IL1RAPL2: variants seen among roughly 807,000 people sequenced by gnomAD.
IL1RAPL2 encodes the protein X-linked interleukin-1 receptor accessory protein-like 2.
A neutral mutation model predicts 44.1 loss-of-function variants in IL1RAPL2; 3 were observed. That is an observed-to-expected ratio of 0.07 (90% CI 0.03 to 0.18). IL1RAPL2 has a LOEUF of 0.18. Ranked by LOEUF, IL1RAPL2 falls within the 10% of genes least tolerant of loss-of-function variation. The pLI is 1.00. For missense variants in IL1RAPL2, 391 were observed against 496.4 expected, an observed-to-expected ratio of 0.79 and a Z score of 2.02; for synonymous variants, 181 against 178.8, an observed-to-expected ratio of 1.01 and a Z score of -0.10.
chrX:104,735,570 T>G (rs1931997708), intron 2 of IL1RAPL2, among the ~76,000 whole-genome samples: 1 of 111,431 alleles, frequency 9.0e-6, no homozygotes, highest in Non-Finnish European at 1.9e-5. Context: ...GTCTACTTCT[T>G]TAATGGGGAA....
intron 6 of IL1RAPL2, among the ~76,000 whole-genome samples, chrX:105,564,767 C>T (rs1045212517): frequency 8.9e-6 from 1 of 111,963 alleles, no homozygotes; most frequent in Non-Finnish European, 1.9e-5. Flanking sequence ...GAGGTTGACT[C>T]ACCCATTCAT....
At chrX:105,275,823 C>A (rs2034481528) in intron 5 of IL1RAPL2, among the ~76,000 whole-genome samples, 1 of 110,861 alleles carries the variant, frequency 9.0e-6, no homozygotes, top group African/African-American at 3.3e-5. Flanking sequence ...GGACTAGAAT[C>A]CCCATCTTAT....
intron 7 of IL1RAPL2, among the ~76,000 whole-genome samples, chrX:105,728,798 A>G (rs971979442): frequency 2.7e-5 from 3 of 111,562 alleles, no homozygotes; most frequent in African/African-American, 9.7e-5. Flanking sequence ...AATGTAAAAT[A>G]TCATGGATCC....
At chrX:104,590,860 A>G (rs1928651496) in intron 1 of IL1RAPL2, among the ~76,000 whole-genome samples, 1 of 112,114 alleles carries the variant, frequency 8.9e-6, no homozygotes, top group Non-Finnish European at 1.9e-5. Context: ...AATCTATGAG[A>G]TGATTCGATT....
chrX:104,761,902 TCTCCTTCTCCTTCTC>T (rs1932449932), intron 2 of IL1RAPL2, among the ~76,000 whole-genome samples: 1 of 51,535 alleles, frequency 1.9e-5, no homozygotes, highest in African/African-American at 1.3e-4. Flanking sequence ...TCCTTCTCCT[TCTCCTTCTCCTTCTC>T]CTTCTCCTTC....
chrX:104,949,000 T>C (rs1256047352), intron 2 of IL1RAPL2, among the ~76,000 whole-genome samples: 9 of 109,600 alleles, frequency 8.2e-5, no homozygotes, highest in African/African-American at 1.7e-4. Flanking sequence ...ATGGTACCAG[T>C]TCCTCCTTGT....
chrX:104,867,049 C>T (rs966296424), intron 2 of IL1RAPL2, among the ~76,000 whole-genome samples: 3 of 108,960 alleles, frequency 2.8e-5, no homozygotes, highest in Non-Finnish European at 3.8e-5. Context: ...TCCTGGCTAA[C>T]ATGGTGAAAC....
chrX:104,568,012 A>G (rs2147987444), intron 1 of IL1RAPL2, among the ~76,000 whole-genome samples: 1 of 112,111 alleles, frequency 8.9e-6, no homozygotes, highest in African/African-American at 3.2e-5. Flanking sequence ...TCCCCTTGCC[A>G]CCCACAAAAG....
chrX:105,085,097 C>G (rs2032463309), intron 2 of IL1RAPL2, among the ~76,000 whole-genome samples: 1 of 112,310 alleles, frequency 8.9e-6, no homozygotes, highest in South Asian at 3.7e-4. Flanking sequence ...AATTAAACCT[C>G]TTTCCTTTAT....
At chrX:104,898,315 T>A (rs1292908227) in intron 2 of IL1RAPL2, among the ~76,000 whole-genome samples, 1 of 111,825 alleles carries the variant, frequency 8.9e-6, no homozygotes, top group Non-Finnish European at 1.9e-5. Flanking sequence ...GGGACACTGG[T>A]GTTGATTTTA....
intron 5 of IL1RAPL2, among the ~76,000 whole-genome samples, chrX:105,389,408 C>G (rs971184792): frequency 7.1e-5 from 8 of 112,144 alleles, no homozygotes; most frequent in African/African-American, 2.6e-4. Flanking sequence ...TTGACTCCCT[C>G]TCTTAATTAC....
intron 1 of IL1RAPL2, among the ~76,000 whole-genome samples, chrX:104,612,101 G>A (rs1929174719): frequency 8.9e-6 from 1 of 111,779 alleles, no homozygotes; most frequent in Non-Finnish European, 1.9e-5. Context: ...TTCATTGGGT[G>A]TATAGTTTAC....
At chrX:104,664,725 C>G (rs1202383069) in intron 2 of IL1RAPL2, among the ~76,000 whole-genome samples, 1 of 111,429 alleles carries the variant, frequency 9.0e-6, no homozygotes, top group Non-Finnish European at 1.9e-5. Context: ...TAGAAACCTT[C>G]TTTTTCTTTT....
At chrX:104,863,901 T>C (rs1922552263) in intron 2 of IL1RAPL2, among the ~76,000 whole-genome samples, 1 of 112,322 alleles carries the variant, frequency 8.9e-6, no homozygotes, top group South Asian at 3.7e-4. Context: ...ATTCCAACTC[T>C]GAAATGTGAA....
intron 6 of IL1RAPL2, among the ~76,000 whole-genome samples, chrX:105,610,376 T>C (rs2037327231): frequency 8.9e-6 from 1 of 111,799 alleles, no homozygotes; most frequent in African/African-American, 3.3e-5. Flanking sequence ...AGTGTACAGA[T>C]TGATGAGGTT....
chrX:104,841,200 A>C (rs1326434886), intron 2 of IL1RAPL2, among the ~76,000 whole-genome samples: 2 of 111,491 alleles, frequency 1.8e-5, no homozygotes, highest in African/African-American at 6.5e-5. Flanking sequence ...TCAGAGACGG[A>C]GATTGCAACC....
chrX:105,030,026 G>GT (rs1221732269), intron 2 of IL1RAPL2, among the ~76,000 whole-genome samples: 4 of 111,981 alleles, frequency 3.6e-5, no homozygotes, highest in African/African-American at 9.8e-5. Flanking sequence ...TTTTTCATGT[G>GT]TTTTTTGGGG....
rs1244131760 is a variant in IL1RAPL2 at position 104,675,713 on chromosome X, A to T, written c.82+16718A>T. 2.7e-5 allele frequency among the ~76,000 whole-genome samples: 3 copies of T among 110,521 alleles called. No homozygotes were observed. The East Asian group carries it at 8.5e-4, about 31-fold the overall frequency. ...TGACAGTGGGGTGTTAAAGTCTCCC[A>T]TTATTATTGTGTGGGAGTCTAAGTC... On this transcript the variant is annotated intron_variant, in intron 2 of 10. Transcript: ENST00000372582.
At chrX:104,992,329 A>G (rs1253231500) in intron 2 of IL1RAPL2, among the ~76,000 whole-genome samples, 2 of 111,295 alleles carry the variant, frequency 1.8e-5, no homozygotes, top group Non-Finnish European at 3.8e-5. Flanking sequence ...AGGTACACAG[A>G]GGGGTATACC....
Sources: gnomAD v4.1 joint callset for allele counts (sites outside exome capture counted in the v4.1 genomes callset) on GRCh38, gnomAD v4.1.1 for gene constraint, MANE v1.5 for transcripts, NCBI Gene and HGNC (gene_info 2026-07-23, HGNC 2026-07-21) for gene names.